RYR3: variants seen among roughly 807,000 people sequenced by gnomAD.
RYR3 encodes the protein ryanodine receptor 3.
A neutral mutation model predicts 584.3 loss-of-function variants in RYR3; 207 were observed. The observed-to-expected ratio is 0.35, with a 90% confidence interval of 0.32 to 0.40. RYR3 has a LOEUF of 0.40. Among genes scored for constraint, RYR3 ranks in the 10% least tolerant of loss-of-function variants. The pLI is 1.00. For missense variants in RYR3, 5,616 were observed against 6,089.2 expected (o/e 0.92, Z 2.59); for synonymous variants, 2,416 against 2,248.5 (o/e 1.07, Z -2.11).
At chr15:33,826,535 T>G in intron 83 of RYR3, 137 bp from the exon 84 acceptor site, 1 of 840,898 alleles carries the variant, frequency 1.2e-6, no homozygotes, top group Non-Finnish European at 2.0e-6. Flanking sequence ...TTAATTGGGC[T>G]TTTCACCATT....
intron 33 of RYR3, among the ~76,000 whole-genome samples, 165 bp downstream of exon 33, chr15:33,659,971 G>T (rs2063054990): frequency 6.6e-6 from 1 of 152,116 alleles, no homozygotes; most frequent in Non-Finnish European, 1.5e-5. Flanking sequence ...GGTAGAATAT[G>T]CATTCTTATC....
chr15:33,613,520 C>T (rs2060300754), intron 19 of RYR3, 145 bp downstream of exon 19: 2 of 787,280 alleles, frequency 2.5e-6, no homozygotes, highest in Non-Finnish European at 3.9e-6. Flanking sequence ...AGGGCAAGAG[C>T]CAACTAGAGT....
chr15:33,615,405 T>C (rs76453469), intron 19 of RYR3, among the ~76,000 whole-genome samples: 5,165 of 152,300 alleles, frequency 0.034, 308 homozygotes, highest in African/African-American at 0.12. Context: ...ATATAAACTA[T>C]TTAGAAATAA....
chr15:33,664,558 CATATATAT>C (rs904304676), intron 36 of RYR3, among the ~76,000 whole-genome samples: 1 of 122,976 alleles, frequency 8.1e-6, no homozygotes, highest in African/African-American at 3.2e-5. Context: ...TATTTATACA[CATATATAT>C]ATAGATATAT....
chr15:33,579,048 A>C (rs1333884404), intron 12 of RYR3, among the ~76,000 whole-genome samples: 1 of 152,176 alleles, frequency 6.6e-6, no homozygotes, highest in Non-Finnish European at 1.5e-5. Context: ...AAAGAGACAG[A>C]GAAACTTGCG....
intron 59 of RYR3, among the ~76,000 whole-genome samples, chr15:33,756,918 G>T (rs2071893661): frequency 6.6e-6 from 1 of 152,100 alleles, no homozygotes; most frequent in Non-Finnish European, 1.5e-5. Context: ...TTCCATTTGA[G>T]CTTCATCCAG....
At chr15:33,373,126 A>G (rs2040465740) in intron 1 of RYR3, among the ~76,000 whole-genome samples, 1 of 152,220 alleles carries the variant, frequency 6.6e-6, no homozygotes, top group African/African-American at 2.4e-5. Flanking sequence ...TGGTGGATTC[A>G]TGCTGATCAA....
intron 1 of RYR3, among the ~76,000 whole-genome samples, chr15:33,418,175 G>A (rs933183196): frequency 1.3e-5 from 2 of 152,094 alleles, no homozygotes; most frequent in South Asian, 2.1e-4. Context: ...TTGGGTATCA[G>A]AATGACACTA....
intron 100 of RYR3, 73 bp from the exon 101 acceptor site, chr15:33,860,522 G>T: frequency 2.3e-6 from 2 of 854,398 alleles, no homozygotes; most frequent in East Asian, 2.8e-5. Context: ...GAACAAAGTA[G>T]CTTCTTCCTT....
At chr15:33,660,881 A>G (rs1046570721) in intron 34 of RYR3, among the ~76,000 whole-genome samples, 1 of 151,742 alleles carries the variant, frequency 6.6e-6, no homozygotes, top group Non-Finnish European at 1.5e-5. Flanking sequence ...TACTCTGAAC[A>G]TTGCTCTTTT....
At chr15:33,386,487 A>G (rs1450520003) in intron 1 of RYR3, among the ~76,000 whole-genome samples, 1 of 152,242 alleles carries the variant, frequency 6.6e-6, no homozygotes, top group African/African-American at 2.4e-5. Flanking sequence ...TGAAATTGTA[A>G]TTGCTGAGAA....
chr15:33,587,969 C>CAGG (rs2058940956), intron 16 of RYR3, among the ~76,000 whole-genome samples: 1 of 152,168 alleles, frequency 6.6e-6, no homozygotes, highest in Admixed American at 6.5e-5. Flanking sequence ...CCTAGAATTT[C>CAGG]AGGAGTCTCT....
intron 1 of RYR3, among the ~76,000 whole-genome samples, chr15:33,331,739 G>A (rs1274930915): frequency 2.6e-5 from 4 of 151,476 alleles, no homozygotes. Flanking sequence ...ATAAAAAGAG[G>A]GTTTAAGAAG....
At chr15:33,667,792 G>T (rs1045072051) in intron 36 of RYR3, among the ~76,000 whole-genome samples, 4 of 152,042 alleles carry the variant, frequency 2.6e-5, no homozygotes, top group African/African-American at 7.2e-5. Context: ...GGCCCGGCGC[G>T]GTGGCTCATG....
At chr15:33,639,568 C>A (rs756515707) in intron 27 of RYR3, among the ~76,000 whole-genome samples, 1 of 152,144 alleles carries the variant, frequency 6.6e-6, no homozygotes, top group South Asian at 2.1e-4. Flanking sequence ...CCCCCCACCC[C>A]GTAAAGCAAA....
chr15:33,625,164 G>A (rs931489336), intron 20 of RYR3, among the ~76,000 whole-genome samples: 1 of 152,154 alleles, frequency 6.6e-6, no homozygotes, highest in Non-Finnish European at 1.5e-5. Flanking sequence ...GGCAGCAGGA[G>A]AGAGAGAGCG....
intron 12 of RYR3, among the ~76,000 whole-genome samples, chr15:33,575,884 AAG>A (rs1396482095): frequency 4.6e-5 from 7 of 151,936 alleles, no homozygotes; most frequent in African/African-American, 1.7e-4. Context: ...AATGAAGAAA[AAG>A]AGAAGAATCA....
chr15:33,678,997 G>C (rs2064382985), intron 38 of RYR3, among the ~76,000 whole-genome samples: 1 of 152,188 alleles, frequency 6.6e-6, no homozygotes, highest in Non-Finnish European at 1.5e-5. Flanking sequence ...TTTGCATGAT[G>C]AATTCTTCAA....
At chr15:33,697,410 G>A (rs1293937058) in intron 39 of RYR3, among the ~76,000 whole-genome samples, 3 of 152,182 alleles carry the variant, frequency 2.0e-5, no homozygotes, top group Non-Finnish European at 4.4e-5. Flanking sequence ...AAGGGGAATG[G>A]GCAGCCAGAA....
Sources: allele counts gnomAD v4.1 joint callset (sites outside exome capture counted in the v4.1 genomes callset), GRCh38; gene constraint gnomAD v4.1.1; transcripts MANE v1.5; gene names NCBI Gene and HGNC (gene_info 2026-07-23, HGNC 2026-07-21).